The following FRAS1 variants were observed in gnomAD, a reference collection of about 807,000 sequenced individuals.
FRAS1 encodes Fraser extracellular matrix complex subunit 1, also known as extracellular matrix organizing protein FRAS1.
Under a neutral mutation model 435.2 loss-of-function variants are expected in FRAS1, and 290 were observed. The observed-to-expected ratio is 0.67, with a 90% CI of 0.61 to 0.73. The LOEUF is 0.73. Ranked by LOEUF, FRAS1 falls within the 30% of genes least tolerant of loss-of-function variation. The probability of loss-of-function intolerance (pLI) is 0.00; values close to 1 mark genes in which losing one functional copy is unlikely to be tolerated. For synonymous variants in FRAS1, 1,800 were observed against 1,851.0 expected, an observed-to-expected ratio of 0.97 and a Z score of 0.71; for missense variants, 4,860 against 5,001.5, an observed-to-expected ratio of 0.97 and a Z score of 0.85.
At chr4:78,132,756 C>T (rs1198408495) in intron 2 of FRAS1, among the ~76,000 whole-genome samples, 1 of 152,088 alleles carries the variant, frequency 6.6e-6, no homozygotes, top group Non-Finnish European at 1.5e-5. Flanking sequence ...TTTCACATGA[C>T]CCTGAAAAGT....
intron 31 of FRAS1, among the ~76,000 whole-genome samples, chr4:78,411,658 C>A (rs756121613): frequency 2.6e-5 from 4 of 152,150 alleles, no homozygotes; most frequent in Non-Finnish European, 5.9e-5. Flanking sequence ...TCAAAACAGA[C>A]CAACACATCT....
chr4:78,466,199 T>C lies in FRAS1; in HGVS notation c.7030-9T>C. 6.2e-7 allele frequency: 1 copy of C among 1,612,850 alleles called. No homozygotes were observed. The highest frequency in any genetic ancestry group is 8.5e-7 in the Non-Finnish European group (1 of 1,178,998). On this transcript the variant is annotated splice_polypyrimidine_tract_variant and intron_variant, in intron 49 of 73. Transcript: ENST00000512123. ...TTCCCTCCCCTCTGGTATTTTGCCT[T>C]CCGGACAGGCCGAGTCTGTCACATT...
chr4:78,205,079 A>C (rs1283628304), intron 2 of FRAS1, among the ~76,000 whole-genome samples: 1 of 152,172 alleles, frequency 6.6e-6, no homozygotes, highest in East Asian at 1.9e-4. Flanking sequence ...GACAATAGTC[A>C]GATGTAATGT....
chr4:78,489,368 G>C (rs79938709), intron 59 of FRAS1, among the ~76,000 whole-genome samples: 1 of 152,102 alleles, frequency 6.6e-6, no homozygotes, highest in East Asian at 1.9e-4. Flanking sequence ...TGTATCACAT[G>C]CTGCATTCTC....
At chr4:78,342,433 G>A (rs1188435456) in intron 20 of FRAS1, among the ~76,000 whole-genome samples, 2 of 152,192 alleles carry the variant, frequency 1.3e-5, no homozygotes, top group Non-Finnish European at 2.9e-5. Context: ...TTAGGCCAGA[G>A]CTGCAGGTTT....
chr4:78,498,198 T>C (rs980327459), intron 60 of FRAS1, among the ~76,000 whole-genome samples: 21 of 152,116 alleles, frequency 1.4e-4, no homozygotes, highest in African/African-American at 5.1e-4. Context: ...TGCACATGTA[T>C]CCCAGAACTT....
chr4:78,360,400 G>C (rs1004775353), intron 20 of FRAS1, among the ~76,000 whole-genome samples: 1 of 152,190 alleles, frequency 6.6e-6, no homozygotes, highest in African/African-American at 2.4e-5. Context: ...GAGATGAGTT[G>C]TTTGTAGAGA....
At chr4:78,087,662 A>C (rs574514171) in intron 2 of FRAS1, among the ~76,000 whole-genome samples, 15 of 152,202 alleles carry the variant, frequency 9.9e-5, no homozygotes, top group South Asian at 6.2e-4. Flanking sequence ...TCATGAGTAA[A>C]CTCCCATTCA....
intron 14 of FRAS1, among the ~76,000 whole-genome samples, chr4:78,297,123 C>G (rs1728178171): frequency 6.6e-6 from 1 of 152,174 alleles, no homozygotes; most frequent in Non-Finnish European, 1.5e-5. Context: ...TTGCCACAAA[C>G]TGGATAATAA....
At chr4:78,406,949 A>G (rs1733121355) in intron 30 of FRAS1, among the ~76,000 whole-genome samples, 1 of 152,174 alleles carries the variant, frequency 6.6e-6, no homozygotes, top group Admixed American at 6.5e-5. Context: ...TTCTACCCTG[A>G]CCTCACGTGA....
chr4:78,099,360 T>C (rs1371069194), intron 2 of FRAS1, among the ~76,000 whole-genome samples: 1 of 152,198 alleles, frequency 6.6e-6, no homozygotes, highest in Non-Finnish European at 1.5e-5. Flanking sequence ...ACGGTAGGCA[T>C]GTCATTAGGG....
chr4:78,334,426 A>G (rs1310106060), intron 19 of FRAS1, among the ~76,000 whole-genome samples: 1 of 125,454 alleles, frequency 8.0e-6, no homozygotes, highest in African/African-American at 3.2e-5. Context: ...GCTGGAGTGC[A>G]GTGGCACGAT....
At position 78,318,888 on chromosome 4, in the gene FRAS1, T is replaced by A; in HGVS notation, c.2039T>A (p.Leu680Gln). 6.2e-7 allele frequency: 1 copy of A among 1,614,000 alleles called. No homozygotes were observed. Among genetic ancestry groups the A allele is most frequent in the Non-Finnish European group, 8.5e-7 (1 of 1,179,868 alleles). Residue 680 changes from leucine (L) to glutamine (Q), a missense_variant, in exon 18 of 74, where the codon CTG (leucine) becomes CAG (glutamine). Coordinates refer to ENST00000512123, the MANE Select transcript of FRAS1 (RefSeq NM_025074.7). ...GGGTGTAAGAAGCCAGAGGAAGGAC[T>A]GCAAGTGGAGCAGCTGTCTGACGTG... ...CTGCKKPEEG[L>Q]QVEQLSDVGI...
chr4:78,388,331 C>CA (rs71661163), intron 29 of FRAS1, among the ~76,000 whole-genome samples: 26,612 of 92,704 alleles, frequency 0.29, 3,758 homozygotes, highest in African/African-American at 0.48. Flanking sequence ...TCTCAAAAAC[C>CA]AAAAAAAAAA....
intron 2 of FRAS1, among the ~76,000 whole-genome samples, chr4:78,186,731 A>T (rs1026090469): frequency 6.6e-6 from 1 of 152,232 alleles, no homozygotes; most frequent in Non-Finnish European, 1.5e-5. Flanking sequence ...GCAACTAAAT[A>T]TATAAATAAC....
intron 15 of FRAS1, 72 bp downstream of exon 15, chr4:78,308,281 C>G (rs41537644): frequency 0.32 from 475,339 of 1,463,658 alleles, 79,231 homozygotes; most frequent in Admixed American, 0.39. Flanking sequence ...GTATTCAAAT[C>G]ATAGCACATT....
chr4:78,265,378 GA>G (rs377718519), intron 7 of FRAS1, among the ~76,000 whole-genome samples: 7 of 152,018 alleles, frequency 4.6e-5, no homozygotes, highest in East Asian at 1.9e-4. Flanking sequence ...TCTTGAGGGG[GA>G]AAAAAAGGGC....
chr4:78,387,763 A>G lies in FRAS1; in HGVS notation c.3975+62A>G, dbSNP rs1732278681. On this transcript the variant is annotated intron_variant, in intron 29 of 73. Coordinates refer to ENST00000512123, the MANE Select transcript of FRAS1 (RefSeq NM_025074.7). ...CTAGATGTGAACTTCTACGGTTGAT[A>G]TTATTTTATGATACTCACAAAGTTA... The G allele has an allele frequency of 3.6e-6, 4 of 1,122,646 alleles. No homozygotes were observed. The Admixed American group carries it at 8.6e-5, about 24-fold the overall frequency. The allele number at this position is 1,122,646 out of a possible 1,614,324, so 69.5% of individuals were successfully genotyped here. A position where few individuals can be genotyped will look rare whatever the true frequency, so the allele number is the denominator to read the frequency against.
intron 36 of FRAS1, among the ~76,000 whole-genome samples, chr4:78,429,767 C>G (rs1185074502): frequency 6.6e-6 from 1 of 152,180 alleles, no homozygotes; most frequent in Non-Finnish European, 1.5e-5. Flanking sequence ...TTCTAGAGAT[C>G]CTTATCCAGT....
Sources: allele counts gnomAD v4.1 joint callset (sites outside exome capture counted in the v4.1 genomes callset), GRCh38; gene constraint gnomAD v4.1.1; transcripts MANE v1.5; gene names NCBI Gene and HGNC (gene_info 2026-07-23, HGNC 2026-07-21).